Variants in MTUS2 observed in about 807,000 individuals in gnomAD.
The protein encoded by MTUS2 is microtubule associated scaffold protein 2.
A neutral mutation model predicts 114.1 loss-of-function variants in MTUS2; 40 were observed. That is an observed-to-expected ratio of 0.35 (90% CI 0.27 to 0.46). The LOEUF (loss-of-function observed/expected upper bound fraction) is 0.46. MTUS2 is among the 20% of genes least tolerant of loss of function. MTUS2 has a pLI of 1.00. For synonymous variants in MTUS2, 688 were observed against 672.0 expected (o/e 1.02, Z -0.37); for missense variants, 1,679 against 1,705.4 (o/e 0.98, Z 0.27).
rs767740208 is a variant in MTUS2 at position 29,025,024 on chromosome 13, A to G, written c.326A>G (p.Asn109Ser). ...TCTTCAACCATTCAGAGGGAACTCA[A>G]TGAAGAGCACACAGTGGAGAGAGGC... Reference protein sequence around the residue: ...RLSSTIQRELNEEHTVERGTD... With the variant: ...RLSSTIQRELSEEHTVERGTD... Residue 109 changes from asparagine to serine, a missense_variant, in exon 3 of 16, where the codon AAT becomes AGT. By Grantham distance (46) the Asn-to-Ser change is conservative. This residue lies in a region of MTUS2 where 843 missense variants were observed against 770.8 expected (regional missense o/e 1.09). Transcript: ENST00000612955. 7.4e-6 allele frequency: 12 copies of G among 1,614,042 alleles called. No individual in the cohort carries two copies. The highest frequency in any genetic ancestry group is 4.4e-5 in the South Asian group (4 of 91,084).
intron 7 of MTUS2, among the ~76,000 whole-genome samples, chr13:29,332,903 G>A (rs9579326): frequency 0.19 from 28,571 of 152,026 alleles, 2,767 homozygotes; most frequent in Middle Eastern, 0.22. Flanking sequence ...CCAAAGTGCT[G>A]GGATTACAGG....
At chr13:28,941,544 ATT>A (rs1486158695) in intron 2 of MTUS2, among the ~76,000 whole-genome samples, 1 of 151,770 alleles carries the variant, frequency 6.6e-6, no homozygotes, top group East Asian at 1.9e-4. Flanking sequence ...ATTTTTAAAT[ATT>A]TTTGAAAATT....
intron 2 of MTUS2, among the ~76,000 whole-genome samples, chr13:28,965,696 C>T (rs1883550154): frequency 6.6e-6 from 1 of 152,020 alleles, no homozygotes; most frequent in Non-Finnish European, 1.5e-5. Context: ...AGTTCAAAAC[C>T]TGCAGGGTAG....
rs557827998 is a variant in MTUS2 at position 29,407,451 on chromosome 13, T to C, written c.3118-32532T>C. On this transcript the variant is annotated intron_variant, in intron 8 of 15. Coordinates refer to ENST00000612955, the MANE Select transcript of MTUS2 (RefSeq NM_001033602.4). ...TTATTCTCCAGAGTGATTGTACTTA[T>C]TTATTTATTTATTTATTTATTTATT... Among the ~76,000 whole-genome samples, 14 of 110,402 alleles carry C rather than the reference T, an allele frequency of 1.3e-4. No individual in the cohort carries two copies. The South Asian group carries it at 1.6e-3, about 13-fold the overall frequency. 72.4% of individuals were successfully genotyped at this position (110,402 alleles called of 152,430 possible).
intron 8 of MTUS2, among the ~76,000 whole-genome samples, chr13:29,410,728 T>TA (rs914176427): frequency 2.6e-5 from 4 of 152,190 alleles, no homozygotes; most frequent in East Asian, 1.9e-4. Context: ...TCCAAACTTA[T>TA]AAAAAAATTA....
At chr13:29,062,132 G>A (rs561759743) in intron 4 of MTUS2, among the ~76,000 whole-genome samples, 22 of 152,024 alleles carry the variant, frequency 1.4e-4, no homozygotes, top group African/African-American at 2.7e-4. Context: ...CCTCAGGTGC[G>A]CATCATCATG....
At chr13:29,175,767 A>G (rs1352947497) in intron 5 of MTUS2, among the ~76,000 whole-genome samples, 1 of 90,530 alleles carries the variant, frequency 1.1e-5, no homozygotes, top group Non-Finnish European at 2.3e-5. Context: ...TCTCAACAAT[A>G]GGTTTTCTTT....
chr13:29,206,646 A>T (rs1248090542), intron 5 of MTUS2, among the ~76,000 whole-genome samples: 1 of 152,148 alleles, frequency 6.6e-6, no homozygotes, highest in Non-Finnish European at 1.5e-5. Flanking sequence ...TTATCTCAGC[A>T]CCATTTGTTG....
intron 4 of MTUS2, among the ~76,000 whole-genome samples, chr13:29,045,921 T>G (rs1410496832): frequency 6.6e-6 from 1 of 152,116 alleles, no homozygotes; most frequent in Non-Finnish European, 1.5e-5. Flanking sequence ...AAACAAGCCA[T>G]AACAGCAAAC....
chr13:29,233,145 T>C (rs1183796244), intron 5 of MTUS2, among the ~76,000 whole-genome samples: 1 of 152,224 alleles, frequency 6.6e-6, no homozygotes, highest in Non-Finnish European at 1.5e-5. Flanking sequence ...AGGTTCACCT[T>C]TCTTTCCACT....
chr13:29,181,415 T>G (rs1023099365), intron 5 of MTUS2, among the ~76,000 whole-genome samples: 1 of 152,186 alleles, frequency 6.6e-6, no homozygotes, highest in African/African-American at 2.4e-5. Flanking sequence ...AGCCTGCCCA[T>G]TGTCACACTG....
chr13:29,188,570 C>T (rs776383062), intron 5 of MTUS2, among the ~76,000 whole-genome samples: 4 of 152,094 alleles, frequency 2.6e-5, no homozygotes, highest in Non-Finnish European at 4.4e-5. Flanking sequence ...TTTGCATACC[C>T]CCAAAACTCT....
intron 8 of MTUS2, among the ~76,000 whole-genome samples, chr13:29,418,436 AC>A (rs1187091863): frequency 6.6e-6 from 1 of 152,122 alleles, no homozygotes; most frequent in Non-Finnish European, 1.5e-5. Context: ...TGTTCACTTG[AC>A]CCAGAACTTT....
intron 9 of MTUS2, among the ~76,000 whole-genome samples, chr13:29,467,597 A>G (rs1057232404): frequency 3.3e-5 from 5 of 152,172 alleles, no homozygotes; most frequent in Non-Finnish European, 7.3e-5. Context: ...GTTTATGGGC[A>G]GTAGTGTTAT....
chr13:29,256,932 C>T (rs1053201587), intron 5 of MTUS2, among the ~76,000 whole-genome samples: 1 of 152,240 alleles, frequency 6.6e-6, no homozygotes, highest in South Asian at 2.1e-4. Context: ...TCACCTGCTT[C>T]CAGGTACTTC....
intron 4 of MTUS2, among the ~76,000 whole-genome samples, chr13:29,067,921 A>G (rs921921137): frequency 1.4e-5 from 2 of 147,716 alleles, no homozygotes; most frequent in African/African-American, 5.1e-5. Flanking sequence ...CAGAGTGGGC[A>G]AAGATTCCTG....
At chr13:29,391,212 C>A (rs368271641) in intron 8 of MTUS2, among the ~76,000 whole-genome samples, 2 of 152,156 alleles carry the variant, frequency 1.3e-5, no homozygotes, top group East Asian at 1.9e-4. Flanking sequence ...GCCTTAGCCT[C>A]CCAAGTAGCT....
rs1206642479 is a variant in MTUS2, at chr13:29,410,640, A to T, written c.3118-29343A>T. 2.0e-5 allele frequency among the ~76,000 whole-genome samples: 3 copies of T among 152,182 alleles called. No homozygotes were observed. In the East Asian group the frequency reaches 5.8e-4, roughly 29 times the overall value. ...TATATATTACAGATATTACCCCTTT[A>T]TCTGTGACACATGGTGCAAACATTT... On this transcript the variant is annotated intron_variant, in intron 8 of 15. Transcript: ENST00000612955.
intron 2 of MTUS2, among the ~76,000 whole-genome samples, chr13:28,950,365 T>C (rs1321274335): frequency 1.3e-5 from 2 of 152,228 alleles, no homozygotes; most frequent in Non-Finnish European, 2.9e-5. Flanking sequence ...GTCAGATATG[T>C]GATTCGCAAA....
Sources: allele counts gnomAD v4.1 joint callset (sites outside exome capture counted in the v4.1 genomes callset), GRCh38; gene constraint gnomAD v4.1.1; regional missense constraint gnomAD v4.1.1; transcripts MANE v1.5; gene names NCBI Gene and HGNC (gene_info 2026-07-23, HGNC 2026-07-21).